The following SANBR variants were observed in gnomAD, a reference collection of about 807,000 sequenced individuals.
SANBR encodes the protein SANT and BTB domain regulator of class switch recombination.
In SANBR, 77 loss-of-function variants were observed where a neutral mutation model predicts 101.8. The observed-to-expected ratio is 0.76, with a 90% confidence interval of 0.63 to 0.91. SANBR has a LOEUF of 0.91. Among genes scored for constraint, SANBR ranks in the 40% least tolerant of loss-of-function variants. The pLI is 0.00. For missense variants in SANBR, 875 were observed against 853.0 expected, an observed-to-expected ratio of 1.03 and a Z score of -0.32; for synonymous variants, 279 against 274.7, an observed-to-expected ratio of 1.02 and a Z score of -0.15.
intron 7 of SANBR, among the ~76,000 whole-genome samples, chr2:61,082,684 T>A (rs1397005160): frequency 2.6e-5 from 4 of 152,118 alleles, no homozygotes; most frequent in Non-Finnish European, 5.9e-5. Flanking sequence ...CCAGGCGTGG[T>A]GGCGGGCACC....
At chr2:61,087,549 G>A (rs1682501816) in intron 8 of SANBR, among the ~76,000 whole-genome samples, 2 of 151,794 alleles carry the variant, frequency 1.3e-5, no homozygotes, top group South Asian at 4.1e-4. Context: ...GCAAGACCCT[G>A]TCTCTAAAAA....
At chr2:61,129,779 C>A (rs992471012) in intron 20 of SANBR, among the ~76,000 whole-genome samples, 1 of 150,950 alleles carries the variant, frequency 6.6e-6, no homozygotes, top group Non-Finnish European at 1.5e-5. Flanking sequence ...TAGGCTAATG[C>A]AATAAAAGCT....
At chr2:61,093,746 C>T (rs947896238) in intron 11 of SANBR, among the ~76,000 whole-genome samples, 3 of 152,152 alleles carry the variant, frequency 2.0e-5, no homozygotes, top group African/African-American at 4.8e-5. Context: ...TTCAGAAGCA[C>T]CTTTGCAGAT....
chr2:61,073,394 T>G (rs1363985492), intron 4 of SANBR, 64 bp from the exon 5 acceptor site: 1 of 733,874 alleles, frequency 1.4e-6, no homozygotes, highest in African/African-American at 1.8e-5. Flanking sequence ...TAAAAACCCA[T>G]TCTCAGCTAG....
chr2:61,116,188 G>GT, intron 17 of SANBR, 118 bp downstream of exon 17: 1 of 650,672 alleles, frequency 1.5e-6, no homozygotes, highest in Non-Finnish European at 2.6e-6. Context: ...TAAAAATGAA[G>GT]TTTTTTATAG....
rs2104976054 is a variant in SANBR at position 61,122,632 on chromosome 2, AATT to A, written c.*471_*473del. ...GTGTGACGAAATTCCCAATGATGCT[AATT>A]TTAAGTCTGCATGAATATTAAGGAG... is the stretch of plus-strand genomic sequence containing the variant. On this transcript the variant is annotated 3_prime_UTR_variant, in exon 22 of 22. Transcript: ENST00000402291. 1 of 987,154 alleles carries A rather than the reference AATT, an allele frequency of 1.0e-6. No homozygotes were observed. Among genetic ancestry groups the A allele is most frequent in the South Asian group, 4.7e-5 (1 of 21,386 alleles). 61.1% of individuals were successfully genotyped at this position (987,154 alleles called of 1,614,324 possible).
intron 13 of SANBR, among the ~76,000 whole-genome samples, chr2:61,104,399 G>A (rs893013223): frequency 1.2e-4 from 18 of 151,684 alleles, no homozygotes; most frequent in African/African-American, 3.9e-4. Context: ...GGAGAATGGC[G>A]TGAACCCGGG....
chr2:61,067,552 A>G (rs1017973474), intron 1 of SANBR, among the ~76,000 whole-genome samples: 1 of 152,168 alleles, frequency 6.6e-6, no homozygotes, highest in Non-Finnish European at 1.5e-5. Flanking sequence ...CCTGGCCAAC[A>G]TGGTGAAACC....
chr2:61,119,679 C>T (rs770751423), intron 20 of SANBR, among the ~76,000 whole-genome samples: 11 of 152,160 alleles, frequency 7.2e-5, no homozygotes, highest in South Asian at 2.1e-4. Flanking sequence ...TAAATGAGGC[C>T]GGATACAGTG....
At chr2:61,104,254 G>T (rs557330889) in intron 13 of SANBR, among the ~76,000 whole-genome samples, 3 of 151,966 alleles carry the variant, frequency 2.0e-5, no homozygotes, top group Admixed American at 6.6e-5. Flanking sequence ...AGGCCAAGGC[G>T]GGCGGATCAC....
intron 21 of SANBR, among the ~76,000 whole-genome samples, chr2:61,137,284 AAATAAT>A (rs143341543): frequency 7.9e-5 from 12 of 151,364 alleles, no homozygotes; most frequent in Non-Finnish European, 1.8e-4. Flanking sequence ...GACCCTGTCT[AAATAAT>A]AATAATAATA....
rs1040078237 is a variant in SANBR at position 61,081,606 on chromosome 2, ATTG to A, written c.729+99_729+101del. 3.2e-6 allele frequency: 4 copies of A among 1,250,672 alleles called. No homozygotes were observed. The African/African-American group carries it at 4.7e-5, about 15-fold the overall frequency. 77.5% of individuals were successfully genotyped at this position (1,250,672 alleles called of 1,614,324 possible). Reference sequence around the variant, plus strand: ...AAAATTCTGAGACTTTATTAAAATTATTGTTAATTGAAAAAACAATTTAAAAAA... The same window carrying A: ...AAAATTCTGAGACTTTATTAAAATTATTAATTGAAAAAACAATTTAAAAAA... On this transcript the variant is annotated intron_variant, in intron 7 of 21. Coordinates refer to ENST00000402291, the MANE Select transcript of SANBR (RefSeq NM_001129993.3).
rs1463285678 is a variant in SANBR, at chr2:61,083,033, C to T, written c.730-121C>T. On this transcript the variant is annotated intron_variant, in intron 7 of 21. Coordinates refer to ENST00000402291, the MANE Select transcript of SANBR (RefSeq NM_001129993.3). ...TTAAGTCAAAAACTGGGTGGCAAAA[C>T]CCAGTTAGTGCCTAGCAATATATGG... 3 of 769,130 alleles carry T rather than the reference C, an allele frequency of 3.9e-6. No individual in the cohort carries two copies. The Admixed American group carries it at 8.6e-5, about 22-fold the overall frequency. The allele number at this position is 769,130 out of a possible 1,614,324, so 47.6% of individuals were successfully genotyped here.
chr2:61,071,803 A>ATAAAC lies in SANBR; in HGVS notation c.337+11_337+12insTAAAC. ...CAGTTTCCAAAACTGGTAAGGTTTT[A>ATAAAC]AACTAAAATGTAGTACTTGCCCTTA... is the stretch of plus-strand genomic sequence containing the variant. On this transcript the variant is annotated intron_variant, in intron 4 of 21. Coordinates refer to ENST00000402291, the MANE Select transcript of SANBR (RefSeq NM_001129993.3). 1.3e-6 allele frequency: 2 copies of ATAAAC among 1,559,030 alleles called. No individual in the cohort carries two copies. The highest frequency in any genetic ancestry group is 1.7e-6 in the Non-Finnish European group (2 of 1,146,388).
At position 61,109,677 on chromosome 2, in the gene SANBR, G is replaced by GTTTTT. The variant is rs1363427197; in HGVS notation, c.1744+384_1744+385insTTTTT. On this transcript the variant is annotated intron_variant, in intron 16 of 21. Coordinates refer to ENST00000402291, the MANE Select transcript of SANBR (RefSeq NM_001129993.3). The stretch of plus-strand genomic sequence containing the variant: ...TTAGTGGAAAGCATGTTTTTTTTGT[G>GTTTTT]TTTGTTTTTTTTTTTTTTTTTTTGA... Among the ~76,000 whole-genome samples the GTTTTT allele has an allele frequency of 9.1e-5, 10 of 109,496 alleles. 1 individual carries two copies. Among genetic ancestry groups the GTTTTT allele is most frequent in the Admixed American group, 9.3e-5 (1 of 10,786 alleles). The allele number at this position is 109,496 out of a possible 152,430, so 71.8% of individuals were successfully genotyped here. A position where few individuals can be genotyped will look rare whatever the true frequency, so the allele number is the denominator to read the frequency against.
At chr2:61,121,306 C>A in intron 21 of SANBR, 30 bp downstream of exon 21, 1 of 1,487,026 alleles carries the variant, frequency 6.7e-7, no homozygotes, top group South Asian at 1.2e-5. Context: ...ACCAGAGTGT[C>A]AGTGGCTTTG....
intron 11 of SANBR, chr2:61,093,309 G>GT (rs1312229767): frequency 1.3e-5 from 2 of 151,738 alleles, no homozygotes; most frequent in African/African-American, 4.8e-5. Flanking sequence ...AAAGCAACAG[G>GT]TTTTGGCCAG....
chr2:61,071,308 T>G (rs897330058), intron 3 of SANBR, among the ~76,000 whole-genome samples: 1 of 152,006 alleles, frequency 6.6e-6, no homozygotes, highest in Non-Finnish European at 1.5e-5. Flanking sequence ...CCCAGCACTT[T>G]GGGAAGCCGA....
chr2:61,118,346 A>T (rs1624236), intron 20 of SANBR, among the ~76,000 whole-genome samples: 87,814 of 151,222 alleles, frequency 0.58, 25,853 homozygotes, highest in African/African-American at 0.67. Context: ...GGTTCAAGCA[A>T]TTCTCCTCCC....
Sources: gnomAD v4.1 joint callset for allele counts (sites outside exome capture counted in the v4.1 genomes callset) on GRCh38, gnomAD v4.1.1 for gene constraint, MANE v1.5 for transcripts, NCBI Gene and HGNC (gene_info 2026-07-23, HGNC 2026-07-21) for gene names.